DSCAM: variants seen among roughly 807,000 people sequenced by gnomAD.
The protein encoded by DSCAM is cell adhesion molecule DSCAM.
Under a neutral mutation model 217.7 loss-of-function variants are expected in DSCAM, and 47 were observed. That is an observed-to-expected ratio of 0.22 (90% CI 0.17 to 0.28). The LOEUF (loss-of-function observed/expected upper bound fraction) is 0.28, where lower values mean the gene tolerates loss of function less well. DSCAM is among the 10% of genes least tolerant of loss of function. DSCAM has a pLI of 1.00. For missense variants in DSCAM, 2,080 were observed against 2,618.3 expected (o/e 0.79, Z 4.49); for synonymous variants, 1,056 against 1,015.3 (o/e 1.04, Z -0.76).
At chr21:40,415,037 T>C (rs2075357940) in intron 3 of DSCAM, among the ~76,000 whole-genome samples, 1 of 152,142 alleles carries the variant, frequency 6.6e-6, no homozygotes, top group Non-Finnish European at 1.5e-5. Context: ...AAAGAAGGTG[T>C]GATTCCATGG....
intron 1 of DSCAM, among the ~76,000 whole-genome samples, chr21:40,834,524 C>T (rs1450382814): frequency 6.6e-6 from 1 of 151,556 alleles, no homozygotes; most frequent in South Asian, 2.1e-4. Context: ...TAGAGCTTTA[C>T]AATAACCCAT....
chr21:40,132,193 C>T (rs2090160658), intron 19 of DSCAM, among the ~76,000 whole-genome samples: 1 of 152,070 alleles, frequency 6.6e-6, no homozygotes, highest in Admixed American at 6.5e-5. Flanking sequence ...AGGAAGCATC[C>T]CACTCTGTGG....
chr21:40,648,285 A>ACACACT lies in DSCAM; in HGVS notation c.508+44519_508+44524dup, dbSNP rs771497634. ...CACACACACACACACACACACACTCACACACTGCTCAGCAAGTTTCTGAAG... is the reference window on the plus strand; with the variant it reads ...CACACACACACACACACACACACTCACACACTCACACTGCTCAGCAAGTTTCTGAAG... On this transcript the variant is annotated intron_variant, in intron 3 of 32. Coordinates refer to ENST00000400454, the MANE Select transcript of DSCAM (RefSeq NM_001389.5). Among the ~76,000 whole-genome samples the ACACACT allele has an allele frequency of 9.9e-4, 146 of 147,536 alleles. 1 individual carries two copies. Among genetic ancestry groups the ACACACT allele is most frequent in the Non-Finnish European group, 1.4e-3 (96 of 66,526 alleles).
intron 3 of DSCAM, among the ~76,000 whole-genome samples, chr21:40,566,390 C>T (rs1465296387): frequency 6.6e-6 from 1 of 152,176 alleles, no homozygotes; most frequent in Non-Finnish European, 1.5e-5. Context: ...ATCTACTCTG[C>T]CAGACATTGC....
intron 2 of DSCAM, among the ~76,000 whole-genome samples, chr21:40,706,180 CAAAAA>C (rs560131166): frequency 1.0e-5 from 1 of 99,486 alleles, no homozygotes; most frequent in Non-Finnish European, 2.2e-5. Flanking sequence ...ACTCCAGTCT[CAAAAA>C]AAAAAAAAAA....
At chr21:40,433,132 G>A (rs1400250400) in intron 3 of DSCAM, among the ~76,000 whole-genome samples, 1 of 151,860 alleles carries the variant, frequency 6.6e-6, no homozygotes, top group East Asian at 1.9e-4. Flanking sequence ...GCTGAGGTGG[G>A]TGAATCACGA....
intron 11 of DSCAM, among the ~76,000 whole-genome samples, chr21:40,235,564 G>T (rs2837525): frequency 0.46 from 69,395 of 151,800 alleles, 16,335 homozygotes; most frequent in African/African-American, 0.57. Context: ...AGTTCTCAAG[G>T]ACCATTCGGA....
intron 3 of DSCAM, among the ~76,000 whole-genome samples, chr21:40,380,978 G>T (rs1004538604): frequency 1.3e-5 from 2 of 151,382 alleles, no homozygotes; most frequent in Non-Finnish European, 2.9e-5. Context: ...CAGGAGAATG[G>T]CGGGAACCCG....
chr21:40,261,988 C>G (rs1281302606), intron 11 of DSCAM, among the ~76,000 whole-genome samples: 2 of 151,972 alleles, frequency 1.3e-5, no homozygotes, highest in African/African-American at 2.4e-5. Context: ...GAAAAGGCAC[C>G]TGAGAGTTAA....
intron 11 of DSCAM, among the ~76,000 whole-genome samples, chr21:40,265,483 T>TAA (rs200672500): frequency 1.4e-5 from 2 of 141,136 alleles, no homozygotes; most frequent in East Asian, 2.0e-4. Flanking sequence ...TTTCACAAAA[T>TAA]AAAAAAAAAA....
chr21:40,690,503 C>T (rs552931938), intron 3 of DSCAM, among the ~76,000 whole-genome samples: 23 of 152,262 alleles, frequency 1.5e-4, no homozygotes, highest in African/African-American at 5.5e-4. Flanking sequence ...TTTCTAGATG[C>T]TGTTGTGAAG....
intron 4 of DSCAM, among the ~76,000 whole-genome samples, chr21:40,357,186 A>G (rs2074702871): frequency 6.6e-6 from 1 of 152,228 alleles, no homozygotes; most frequent in Non-Finnish European, 1.5e-5. Context: ...CCAGGTACAG[A>G]GCCTGTGCCA....
intron 15 of DSCAM, among the ~76,000 whole-genome samples, chr21:40,168,694 T>C (rs749586058): frequency 1.3e-5 from 2 of 152,126 alleles, no homozygotes; most frequent in African/African-American, 4.8e-5. Flanking sequence ...AGCTATCTTA[T>C]AGATAAAGGG....
intron 3 of DSCAM, among the ~76,000 whole-genome samples, chr21:40,617,841 C>A (rs929622527): frequency 6.6e-6 from 1 of 152,232 alleles, no homozygotes; most frequent in African/African-American, 2.4e-5. Context: ...ACTCTGCTGA[C>A]TCAGATTCTG....
chr21:40,327,501 C>T (rs946963125), intron 8 of DSCAM, among the ~76,000 whole-genome samples: 2 of 152,082 alleles, frequency 1.3e-5, no homozygotes, highest in Admixed American at 6.6e-5. Flanking sequence ...AAGTTAATTT[C>T]TTCCTTTCCA....
chr21:40,324,548 T>A (rs912942826), intron 8 of DSCAM, among the ~76,000 whole-genome samples: 2 of 152,198 alleles, frequency 1.3e-5, no homozygotes, highest in Non-Finnish European at 2.9e-5. Context: ...TTGAAAGTTA[T>A]TTTTATGGAG....
intron 3 of DSCAM, among the ~76,000 whole-genome samples, chr21:40,687,888 CAA>C (rs2090498645): frequency 6.6e-6 from 1 of 152,076 alleles, no homozygotes; most frequent in African/African-American, 2.4e-5. Flanking sequence ...TCTTAAAGCC[CAA>C]GTCTTGCGTG....
At chr21:40,521,132 C>T (rs1010441549) in intron 3 of DSCAM, among the ~76,000 whole-genome samples, 2 of 152,150 alleles carry the variant, frequency 1.3e-5, no homozygotes, top group East Asian at 1.9e-4. Flanking sequence ...CTTCTGATGA[C>T]ATTTGGTAAT....
At chr21:40,266,896 C>T (rs1358383407) in intron 11 of DSCAM, among the ~76,000 whole-genome samples, 1 of 149,058 alleles carries the variant, frequency 6.7e-6, no homozygotes, top group African/African-American at 2.5e-5. Flanking sequence ...GAACTAGAGG[C>T]CATTATTCTA....
Sources: gnomAD v4.1 joint callset for allele counts (sites outside exome capture counted in the v4.1 genomes callset) on GRCh38, gnomAD v4.1.1 for gene constraint, MANE v1.5 for transcripts, NCBI Gene and HGNC (gene_info 2026-07-23, HGNC 2026-07-21) for gene names.